The following ENOSF1 variants were observed in gnomAD, a reference collection of about 807,000 sequenced individuals.
ENOSF1 encodes the protein enolase superfamily member 1.
In ENOSF1, 73 loss-of-function variants were observed where a neutral mutation model predicts 68.2. The observed-to-expected ratio is 1.07, with a 90% CI of 0.89 to 1.30. ENOSF1 has a LOEUF of 1.30. Among genes scored for constraint, ENOSF1 ranks in the 50% most tolerant of loss-of-function variants. The probability of loss-of-function intolerance (pLI) is 0.00; values close to 1 mark genes in which losing one functional copy is unlikely to be tolerated. For synonymous variants in ENOSF1, 223 were observed against 210.4 expected, an observed-to-expected ratio of 1.06 and a Z score of -0.52; for missense variants, 589 against 554.5, an observed-to-expected ratio of 1.06 and a Z score of -0.62.
chr18:677,383 T>C lies in ENOSF1; in HGVS notation c.1110A>G (p.Ile370Met), dbSNP rs758592258. The change falls in exon 14 of 16, where the codon ATA becomes ATG. Residue 370 changes from isoleucine to methionine, a missense_variant. Coordinates refer to ENST00000647584, the MANE Select transcript of ENOSF1 (RefSeq NM_017512.7). The part of the protein sequence containing the change: ...GLCELVQHLI[I>M]FDYISVSASL... ...TTGCAGAAACTGATATGTAGTCAAATATAATCAGGTGCTGCACCAGTTCAC... is the reference window on the plus strand; with the variant it reads ...TTGCAGAAACTGATATGTAGTCAAACATAATCAGGTGCTGCACCAGTTCAC... 6 of 1,613,692 alleles carry C rather than the reference T, an allele frequency of 3.7e-6. No homozygotes were observed. In the East Asian group the frequency reaches 1.1e-4, roughly 30 times the overall value.
Position 694,272 on chromosome 18 carries a change from G to T in ENOSF1, c.372C>A (p.Asp124Glu), listed in dbSNP as rs1038119727. The T allele has an allele frequency of 4.3e-6, 7 of 1,614,072 alleles. No homozygotes were observed. In the African/African-American group the frequency reaches 9.3e-5, roughly 22 times the overall value. Residue 124 changes from aspartate to glutamate, a missense_variant, in exon 4 of 16, where the codon GAC becomes GAA. Coordinates refer to ENST00000647584, the MANE Select transcript of ENOSF1 (RefSeq NM_017512.7). ...ATAAVLNAVW[D>E]LWAKQEGKPV... ...CCTTTCCCTCCTGCTTGGCCCACAA[G>T]TCCCACACCGCGTTTAGGACGGCCG... is the stretch of plus-strand genomic sequence containing the variant.
chr18:678,434 A>G, intron 12 of ENOSF1: 1 of 499,552 alleles, frequency 2.0e-6, no homozygotes, highest in Non-Finnish European at 3.5e-6. Context: ...TAGCAACTTT[A>G]AATTGCTGCC....
intron 12 of ENOSF1, 93 bp from the exon 13 acceptor site, chr18:677,965 A>G: frequency 2.1e-6 from 3 of 1,435,042 alleles, no homozygotes; most frequent in Non-Finnish European, 2.8e-6. Flanking sequence ...TATGCCAATA[A>G]TTATTCATCA....
intron 15 of ENOSF1, 141 bp downstream of exon 15, chr18:675,176 TACAG>T (rs1419151186): frequency 1.0e-5 from 7 of 685,670 alleles, no homozygotes; most frequent in Non-Finnish European, 1.8e-5. Flanking sequence ...AGGATTTTGA[TACAG>T]ACAAACTGAA....
Position 679,455 on chromosome 18 carries a change from C to T in ENOSF1, c.877-718G>A, listed in dbSNP as rs541700012. The stretch of plus-strand genomic sequence containing the variant: ...AACTCCTGACCTCAGATGATCCTCC[C>T]GCCTCGGCCTCCCAAAGTGTTGGGA... On this transcript the variant is annotated intron_variant, in intron 11 of 15. Transcript: ENST00000647584. Among the ~76,000 whole-genome samples the T allele has an allele frequency of 1.2e-3, 179 of 152,060 alleles. 1 individual carries two copies. The highest frequency in any genetic ancestry group is 4.1e-3 in the African/African-American group (170 of 41,486).
In ENOSF1 at chr18:693,065, C is replaced by G; in HGVS notation, c.423+817G>C. ...GGGAAGTCACATGCTCAAGGTCATG[C>G]AGCTGGTGAGCAGTGAAACCCGGAC... On this transcript the variant is annotated intron_variant, in intron 5 of 15. Coordinates refer to ENST00000647584, the MANE Select transcript of ENOSF1 (RefSeq NM_017512.7). 3 of 1,284,982 alleles carry G rather than the reference C, an allele frequency of 2.3e-6. No homozygotes were observed. The South Asian group carries it at 3.7e-5, about 16-fold the overall frequency. The allele number at this position is 1,284,982 out of a possible 1,614,324, so 79.6% of individuals were successfully genotyped here. A position where few individuals can be genotyped will look rare whatever the true frequency, so the allele number is the denominator to read the frequency against.
Position 677,379 on chromosome 18 carries a change from C to G in ENOSF1, c.1114G>C (p.Asp372His), listed in dbSNP as rs1333783754. The G allele has an allele frequency of 6.2e-7, 1 of 1,613,746 alleles. No homozygotes were observed. Among genetic ancestry groups the G allele is most frequent in the Non-Finnish European group, 8.5e-7 (1 of 1,179,942 alleles). ...CELVQHLIIF[D>H]YISVSASLEN... is the part of the protein sequence containing the mutation. ...AGGCTTGCAGAAACTGATATGTAGT[C>G]AAATATAATCAGGTGCTGCACCAGT... Residue 372 changes from aspartate (D) to histidine (H), a missense_variant, in exon 14 of 16, where the codon GAC becomes CAC. By Grantham distance (81) the Asp-to-His change is moderately conservative (BLOSUM62 -1). Coordinates refer to ENST00000647584, the MANE Select transcript of ENOSF1 (RefSeq NM_017512.7).
intron 3 of ENOSF1, among the ~76,000 whole-genome samples, chr18:696,156 C>G (rs1477533862): frequency 6.6e-6 from 1 of 150,950 alleles, no homozygotes; most frequent in Non-Finnish European, 1.5e-5. Flanking sequence ...TTTAAATTTG[C>G]TCTTCTCTTA....
intron 8 of ENOSF1, among the ~76,000 whole-genome samples, chr18:689,793 T>C (rs2076969588): frequency 6.6e-6 from 1 of 152,206 alleles, no homozygotes; most frequent in African/African-American, 2.4e-5. Flanking sequence ...AGAGCCCTGC[T>C]GAGGTCCCCT....
intron 10 of ENOSF1, among the ~76,000 whole-genome samples, chr18:684,451 C>T (rs1297355838): frequency 1.3e-5 from 2 of 151,948 alleles, no homozygotes; most frequent in Non-Finnish European, 2.9e-5. Flanking sequence ...TCCCCTGAGC[C>T]AGGGGAGGTC....
In ENOSF1 at chr18:673,099, C is replaced by T; in HGVS notation, c.*1206G>A. 3 of 1,285,186 alleles carry T rather than the reference C, an allele frequency of 2.3e-6. No homozygotes were observed. The highest frequency in any genetic ancestry group is 3.1e-6 in the Non-Finnish European group (3 of 955,098). The allele number at this position is 1,285,186 out of a possible 1,614,324, so 79.6% of individuals were successfully genotyped here. The stretch of plus-strand genomic sequence containing the variant: ...GCTCTAAAAGAAAAAGGAACTAGGT[C>T]AAAAATCTGTCCGTGACCTATCAGT... On this transcript the variant is annotated 3_prime_UTR_variant, in exon 16 of 16. Transcript: ENST00000647584.
At chr18:698,105 C>T (rs571312395) in intron 2 of ENOSF1, among the ~76,000 whole-genome samples, 1 of 152,306 alleles carries the variant, frequency 6.6e-6, no homozygotes, top group South Asian at 2.1e-4. Context: ...CATATGTTTT[C>T]TGTGGTTGTC....
intron 8 of ENOSF1, among the ~76,000 whole-genome samples, chr18:690,091 G>C (rs1260870695): frequency 1.3e-5 from 2 of 152,196 alleles, no homozygotes; most frequent in East Asian, 1.9e-4. Context: ...ACCTTGCCCT[G>C]TGTGTCTCTT....
chr18:675,595 G>A, intron 14 of ENOSF1, 193 bp from the exon 15 acceptor site: 3 of 581,936 alleles, frequency 5.2e-6, no homozygotes, highest in Non-Finnish European at 9.3e-6. Context: ...ATATAGCAAT[G>A]TGAGGTGGGG....
intron 1 of ENOSF1, among the ~76,000 whole-genome samples, chr18:709,378 C>T (rs1046513506): frequency 2.0e-5 from 3 of 152,066 alleles, no homozygotes; most frequent in South Asian, 4.2e-4. Flanking sequence ...GAAGAAGAGG[C>T]AGCCGACAGC....
intron 1 of ENOSF1, among the ~76,000 whole-genome samples, chr18:708,868 G>C (rs1315706722): frequency 6.6e-6 from 1 of 152,178 alleles, no homozygotes; most frequent in Non-Finnish European, 1.5e-5. Flanking sequence ...TGAAGGAGTT[G>C]AGCGATGAGG....
rs772527956 is a variant in ENOSF1 at position 706,560 on chromosome 18, AGTAGTCAGGGTCCGT to A, written c.88_102del (p.Thr30_Tyr34del). 1.9e-5 allele frequency: 30 copies of A among 1,613,580 alleles called. No individual in the cohort carries two copies. Among genetic ancestry groups the A allele is most frequent in the Non-Finnish European group, 2.5e-5 (29 of 1,179,806 alleles). On this transcript the variant is annotated inframe_deletion, in exon 2 of 16. Coordinates refer to ENST00000647584, the MANE Select transcript of ENOSF1 (RefSeq NM_017512.7). ...GTTTCTATGACGACATAGGCAGCCG[AGTAGTCAGGGTCCGT>A]GTGCTGCAGGAGAAGAGTTCCCCGC...
chr18:681,785 C>T (rs759290649), intron 11 of ENOSF1, among the ~76,000 whole-genome samples: 6 of 152,184 alleles, frequency 3.9e-5, no homozygotes, highest in African/African-American at 4.8e-5. Context: ...CAGTATCCTC[C>T]GGTCTTTGTT....
the ENOSF1 span, among the ~76,000 whole-genome samples, chr18:664,750 G>C: frequency 2.0e-5 from 3 of 150,420 alleles, no homozygotes; most frequent in Non-Finnish European, 4.4e-5. Context: ...TTTGTCAAAG[G>C]CCTTTTCTGC....
Sources: gnomAD v4.1 joint callset for allele counts (sites outside exome capture counted in the v4.1 genomes callset) on GRCh38, gnomAD v4.1.1 for gene constraint, MANE v1.5 for transcripts, NCBI Gene and HGNC (gene_info 2026-07-23, HGNC 2026-07-21) for gene names.